The following ROBO2 variants were observed in gnomAD, a reference collection of about 807,000 sequenced individuals.
ROBO2 encodes the protein roundabout homolog 2.
ROBO2 carries 53 observed loss-of-function variants against 160.8 expected under a neutral mutation model. That is an observed-to-expected ratio of 0.33 (90% CI 0.26 to 0.41). The LOEUF (loss-of-function observed/expected upper bound fraction) is 0.41, where lower values mean the gene tolerates loss of function less well. Ranked by LOEUF, ROBO2 falls within the 10% of genes least tolerant of loss-of-function variation. The probability of loss-of-function intolerance (pLI) is 1.00; values close to 1 mark genes in which losing one functional copy is unlikely to be tolerated. For missense variants in ROBO2, 1,577 were observed against 1,722.4 expected (o/e 0.92, Z 1.49); for synonymous variants, 664 against 611.7 (o/e 1.09, Z -1.26).
chr3:77,458,813 T>A (rs1013763231), intron 2 of ROBO2, among the ~76,000 whole-genome samples: 4 of 152,184 alleles, frequency 2.6e-5, no homozygotes, highest in Non-Finnish European at 4.4e-5. Context: ...GGTTAAGGAA[T>A]TGTAAAATAT....
In ROBO2 at chr3:76,329,151, C is replaced by A. The variant is rs532779094; in HGVS notation, c.109+391549C>A. The stretch of plus-strand genomic sequence containing the variant: ...GCTCCACTTCACCTACCCCAAGTCC[C>A]CCACGGAGAGACACGACAAGGTCAG... On this transcript the variant is annotated intron_variant, in intron 2 of 26. Coordinates refer to the ROBO2 transcript ENST00000487694. Among the ~76,000 whole-genome samples the A allele has an allele frequency of 1.8e-4, 27 of 152,128 alleles. No homozygotes were observed. In the East Asian group the frequency reaches 4.5e-3, roughly 25 times the overall value.
At chr3:76,442,138 G>A (rs1161950194) in intron 2 of ROBO2, among the ~76,000 whole-genome samples, 1 of 152,182 alleles carries the variant, frequency 6.6e-6, no homozygotes, top group Non-Finnish European at 1.5e-5. Context: ...CTGAGGAATT[G>A]AGCTAATGCT....
intron 2 of ROBO2, among the ~76,000 whole-genome samples, chr3:76,560,179 C>T (rs1397262375): frequency 6.6e-6 from 1 of 152,060 alleles, no homozygotes; most frequent in Non-Finnish European, 1.5e-5. Flanking sequence ...ACACCTATGC[C>T]AGTTGATCAC....
chr3:77,317,108 G>A (rs2064077349), intron 2 of ROBO2: 1 of 1,293,616 alleles, frequency 7.7e-7, no homozygotes, highest in Non-Finnish European at 1.1e-6. Flanking sequence ...AAGTTGCTCT[G>A]GGTCACTCAG....
intron 2 of ROBO2, among the ~76,000 whole-genome samples, chr3:75,986,169 T>C (rs961530445): frequency 6.6e-6 from 1 of 151,474 alleles, no homozygotes; most frequent in African/African-American, 2.4e-5. Flanking sequence ...AGTGCACAAG[T>C]GTTACAGTTT....
intron 2 of ROBO2, among the ~76,000 whole-genome samples, chr3:75,989,715 C>T (rs2065512203): frequency 1.3e-5 from 2 of 152,088 alleles, no homozygotes; most frequent in Non-Finnish European, 2.9e-5. Flanking sequence ...AGAATGATGT[C>T]AATACAAAAT....
intron 2 of ROBO2, among the ~76,000 whole-genome samples, chr3:77,136,520 T>C (rs1178743576): frequency 4.7e-5 from 7 of 148,268 alleles, no homozygotes; most frequent in Non-Finnish European, 7.4e-5. Context: ...AAATAGGGTT[T>C]TGCTCTGTCA....
chr3:77,326,825 A>C (rs1371665011), intron 2 of ROBO2, among the ~76,000 whole-genome samples: 2 of 152,104 alleles, frequency 1.3e-5, no homozygotes, highest in East Asian at 3.9e-4. Context: ...ATTCCTCCAA[A>C]GTCTCCCTGG....
At chr3:75,965,731 A>G (rs1949086292) in intron 2 of ROBO2, among the ~76,000 whole-genome samples, 1 of 151,672 alleles carries the variant, frequency 6.6e-6, no homozygotes, top group Non-Finnish European at 1.5e-5. Flanking sequence ...TCCATATTTT[A>G]CCAAAGAAGA....
At chr3:77,455,700 G>T (rs1353500890) in intron 2 of ROBO2, among the ~76,000 whole-genome samples, 1 of 151,534 alleles carries the variant, frequency 6.6e-6, no homozygotes, top group Non-Finnish European at 1.5e-5. Flanking sequence ...AAACTGCTGG[G>T]ATTACAGGCG....
At chr3:76,621,999 T>C (rs2089126600) in intron 2 of ROBO2, among the ~76,000 whole-genome samples, 1 of 152,008 alleles carries the variant, frequency 6.6e-6, no homozygotes, top group Non-Finnish European at 1.5e-5. Flanking sequence ...ATACCACTTA[T>C]TCAAACCATC....
chr3:77,446,740 C>T (rs1169554904), intron 2 of ROBO2, among the ~76,000 whole-genome samples: 1 of 151,968 alleles, frequency 6.6e-6, no homozygotes, highest in Admixed American at 6.6e-5. Flanking sequence ...CACACCAATA[C>T]ACAAAACTAT....
chr3:76,253,771 G>A (rs555636727), intron 2 of ROBO2, among the ~76,000 whole-genome samples: 15 of 151,490 alleles, frequency 9.9e-5, no homozygotes, highest in African/African-American at 3.4e-4. Flanking sequence ...AAGTGAGATA[G>A]CATATCCATT....
At chr3:77,481,041 A>G in intron 3 of ROBO2, 58 bp from the exon 4 acceptor site, 9 of 1,426,548 alleles carry the variant, frequency 6.3e-6, no homozygotes, top group South Asian at 4.6e-5. Flanking sequence ...AATGACCTTT[A>G]TTTTCTATTC....
intron 1 of ROBO2, among the ~76,000 whole-genome samples, chr3:75,926,607 A>T (rs1043409973): frequency 1.3e-5 from 2 of 152,208 alleles, no homozygotes; most frequent in Non-Finnish European, 2.9e-5. Flanking sequence ...CTAAAAGCAT[A>T]CCTTCAACAT....
chr3:75,915,705 A>G (rs9869831), intron 1 of ROBO2, among the ~76,000 whole-genome samples: 42,617 of 151,950 alleles, frequency 0.28, 6,843 homozygotes, highest in East Asian at 0.61. Context: ...ATAGGACTTG[A>G]TTTAGATAAC....
intron 2 of ROBO2, among the ~76,000 whole-genome samples, chr3:76,996,193 A>G (rs951667308): frequency 6.6e-6 from 1 of 152,156 alleles, no homozygotes; most frequent in Non-Finnish European, 1.5e-5. Context: ...TCCCAGCACC[A>G]TTTATTAAAT....
intron 2 of ROBO2, among the ~76,000 whole-genome samples, chr3:76,371,779 A>G (rs1006123643): frequency 1.8e-4 from 28 of 152,090 alleles, no homozygotes; most frequent in African/African-American, 6.5e-4. Context: ...TCTAGAAACC[A>G]GAATGGTTAC....
intron 2 of ROBO2, among the ~76,000 whole-genome samples, chr3:77,162,310 G>C (rs12638080): frequency 0.41 from 62,424 of 152,030 alleles, 13,312 homozygotes; most frequent in Middle Eastern, 0.54. Context: ...TTATTGGATG[G>C]TTTAAATATA....
Sources: gnomAD v4.1 joint callset for allele counts (sites outside exome capture counted in the v4.1 genomes callset) on GRCh38, gnomAD v4.1.1 for gene constraint, MANE v1.5 for transcripts, NCBI Gene and HGNC (gene_info 2026-07-23, HGNC 2026-07-21) for gene names.